Variants in NHSL1 observed in about 807,000 individuals in gnomAD.
NHSL1 encodes NHS-like protein 1.
NHSL1 carries 48 observed loss-of-function variants against 95.0 expected under a neutral mutation model. The observed-to-expected ratio is 0.51, with a 90% CI of 0.40 to 0.64. The LOEUF is 0.64. Among genes scored for constraint, NHSL1 ranks in the 30% least tolerant of loss-of-function variants. NHSL1 has a pLI of 0.00. For missense variants in NHSL1, 1,971 were observed against 2,077.7 expected (o/e 0.95, Z 1.00); for synonymous variants, 783 against 833.9 (o/e 0.94, Z 1.05).
rs994406915 is a variant in NHSL1 at position 138,605,448 on chromosome 6, C to T, written c.96+87028G>A. Among the ~76,000 whole-genome samples the T allele has an allele frequency of 3.9e-4, 59 of 152,134 alleles. 1 individual carries two copies. Among genetic ancestry groups the T allele is most frequent in the Non-Finnish European group, 1.5e-5 (1 of 68,026 alleles). ...AAGCAAATAAAAATATAAACTCTCA[C>T]ATTCTCACCCCCCACAAAAAAAAGT... is the stretch of plus-strand genomic sequence containing the variant. On this transcript the variant is annotated intron_variant, in intron 1 of 3. Transcript: ENST00000491526.
chr6:138,662,158 A>G (rs924173283), intron 1 of NHSL1, among the ~76,000 whole-genome samples: 2 of 150,578 alleles, frequency 1.3e-5, no homozygotes, highest in East Asian at 2.0e-4. Context: ...AAAAAAAAAA[A>G]TCTTAGAATG....
chr6:138,534,335 C>T (rs927451571), intron 1 of NHSL1, among the ~76,000 whole-genome samples: 2 of 152,094 alleles, frequency 1.3e-5, no homozygotes, highest in South Asian at 4.2e-4. Flanking sequence ...AGCAAAGGAC[C>T]CTTGGTACAT....
At chr6:138,622,319 G>A (rs1167878135) in intron 1 of NHSL1, among the ~76,000 whole-genome samples, 2 of 151,760 alleles carry the variant, frequency 1.3e-5, no homozygotes, top group African/African-American at 4.8e-5. Flanking sequence ...TGGCTAACAC[G>A]GTGACACCCA....
chr6:138,435,981 T>C (rs996389862), intron 5 of NHSL1, among the ~76,000 whole-genome samples: 3 of 152,160 alleles, frequency 2.0e-5, no homozygotes, highest in African/African-American at 7.2e-5. Context: ...GCAAATATAA[T>C]TGATATATGT....
At chr6:138,525,442 C>T (rs1226510669) in intron 1 of NHSL1, among the ~76,000 whole-genome samples, 3 of 151,410 alleles carry the variant, frequency 2.0e-5, no homozygotes, top group African/African-American at 7.3e-5. Context: ...GTGGGAAGAT[C>T]GCCAGAGCCC....
At chr6:138,592,382 T>C (rs1335768362) in intron 1 of NHSL1, among the ~76,000 whole-genome samples, 1 of 152,110 alleles carries the variant, frequency 6.6e-6, no homozygotes, top group East Asian at 1.9e-4. Context: ...GTGGATCACT[T>C]GAGGCCAGGA....
chr6:138,623,903 C>T (rs1314672591), intron 1 of NHSL1, among the ~76,000 whole-genome samples: 1 of 152,206 alleles, frequency 6.6e-6, no homozygotes, highest in East Asian at 1.9e-4. Context: ...GTTTTATAAG[C>T]GTCTGGCATT....
chr6:138,626,451 G>A (rs960450854), intron 1 of NHSL1, among the ~76,000 whole-genome samples: 9 of 152,066 alleles, frequency 5.9e-5, no homozygotes, highest in Admixed American at 6.6e-5. Flanking sequence ...TGACGGCATA[G>A]CTTTAAGTAA....
upstream of NHSL1, among the ~76,000 whole-genome samples, chr6:138,573,280 G>C (rs543706366): frequency 7.2e-5 from 11 of 152,094 alleles, no homozygotes; most frequent in Non-Finnish European, 1.3e-4. Context: ...ACAATTCCAC[G>C]GTCCTAGGGG....
chr6:138,628,208 A>G (rs532097784), intron 1 of NHSL1, among the ~76,000 whole-genome samples: 31 of 146,164 alleles, frequency 2.1e-4, no homozygotes, highest in Non-Finnish European at 3.7e-4. Flanking sequence ...GCTACTTGGG[A>G]GGCTGAGGCA....
At chr6:138,636,249 G>C (rs1784887664) in intron 1 of NHSL1, among the ~76,000 whole-genome samples, 1 of 151,834 alleles carries the variant, frequency 6.6e-6, no homozygotes, top group East Asian at 1.9e-4. Context: ...AAAAAAACTC[G>C]GTATAAAAGG....
intron 1 of NHSL1, among the ~76,000 whole-genome samples, chr6:138,592,625 A>C (rs905226620): frequency 8.6e-5 from 13 of 151,808 alleles, no homozygotes; most frequent in Admixed American, 2.6e-4. Context: ...ACAACAAAAA[A>C]CAAAAAACAA....
At chr6:138,557,293 T>C (rs1373847250) in intron 1 of NHSL1, among the ~76,000 whole-genome samples, 3 of 152,148 alleles carry the variant, frequency 2.0e-5, no homozygotes, top group African/African-American at 4.8e-5. Flanking sequence ...ACTCAAAATA[T>C]GGCAAAGAAG....
In NHSL1 at chr6:138,424,867, C is replaced by T. The variant is rs1583121406; in HGVS notation, c.4086-51G>A. 10 of 1,446,006 alleles carry T rather than the reference C, an allele frequency of 6.9e-6. No individual in the cohort carries two copies. In the East Asian group the frequency reaches 2.5e-4, roughly 36 times the overall value. The allele number at this position is 1,446,006 out of a possible 1,614,324, so 89.6% of individuals were successfully genotyped here. On this transcript the variant is annotated intron_variant, in intron 7 of 7. Transcript: ENST00000343505. This position sits in a 1 kb window ranked among gnomAD's most constrained non-coding sequence, Gnocchi z 5.9. ...AGGTTAATTCCCACGGGACCACAGG[C>T]TGTCAGCCACAACCACTCTGCTCTT...
chr6:138,513,631 C>A (rs1340447010), intron 1 of NHSL1, among the ~76,000 whole-genome samples: 1 of 152,164 alleles, frequency 6.6e-6, no homozygotes, highest in East Asian at 1.9e-4. Context: ...CAAGAGTTAT[C>A]TTAGTTGCTG....
At chr6:138,486,065 G>C (rs1039261416) in intron 2 of NHSL1, among the ~76,000 whole-genome samples, 1 of 152,010 alleles carries the variant, frequency 6.6e-6, no homozygotes, top group Non-Finnish European at 1.5e-5. Context: ...CGCAACCTCC[G>C]ACCCTCCGCT....
intron 1 of NHSL1, among the ~76,000 whole-genome samples, chr6:138,544,145 T>A (rs1782691524): frequency 6.6e-6 from 1 of 152,158 alleles, no homozygotes; most frequent in Admixed American, 6.6e-5. Context: ...CCTTAAGCTA[T>A]CATTGGATTG....
At chr6:138,464,869 C>A (rs1360315851) in intron 3 of NHSL1, among the ~76,000 whole-genome samples, 2 of 151,188 alleles carry the variant, frequency 1.3e-5, no homozygotes, top group African/African-American at 4.9e-5. Context: ...CGTGCCACCA[C>A]GCCTCGCTAA....
intron 1 of NHSL1, among the ~76,000 whole-genome samples, chr6:138,504,536 T>G (rs1780858332): frequency 6.6e-6 from 1 of 152,128 alleles, no homozygotes; most frequent in Admixed American, 6.5e-5. Context: ...TGTGGGGAGA[T>G]ATGCTGAAAC....
Sources: gnomAD v4.1 joint callset for allele counts (sites outside exome capture counted in the v4.1 genomes callset) on GRCh38, gnomAD v4.1.1 for gene constraint, Gnocchi (gnomAD v3.1) non-coding constraint, MANE v1.5 for transcripts, NCBI Gene and HGNC (gene_info 2026-07-23, HGNC 2026-07-21) for gene names.